Variants in ACOT7 observed in about 807,000 individuals in gnomAD.
ACOT7 encodes acyl-CoA thioesterase 7, also known as cytosolic acyl coenzyme A thioester hydrolase.
Under a neutral mutation model 40.2 loss-of-function variants are expected in ACOT7, and 12 were observed. That is an observed-to-expected ratio of 0.30 (90% confidence interval 0.19 to 0.48). The LOEUF is 0.48. Ranked by LOEUF, ACOT7 falls within the 20% of genes least tolerant of loss-of-function variation. ACOT7 has a pLI of 0.99. For missense variants in ACOT7, 395 were observed against 530.8 expected (o/e 0.74, Z 2.51); for synonymous variants, 228 against 219.5 (o/e 1.04, Z -0.34).
In ACOT7 at chr1:6,338,611, C is replaced by A. The variant is rs1641175432; in HGVS notation, c.418+822G>T. On this transcript the variant is annotated intron_variant, in intron 3 of 8. Transcript: ENST00000361521. This position sits in a 1 kb window ranked among gnomAD's most constrained non-coding sequence, Gnocchi z 4.4. ...TGTTCTAGATGCATAATCGTGCTTG[C>A]TACCGGCCCGTCATGAGGAAGAGGA... Among the ~76,000 whole-genome samples, 1 of 152,224 alleles carries A rather than the reference C, an allele frequency of 6.6e-6. No individual in the cohort carries two copies. The highest frequency in any genetic ancestry group is 1.5e-5 in the Non-Finnish European group (1 of 68,044).
At chr1:6,298,312 G>C (rs751136658) in intron 6 of ACOT7, among the ~76,000 whole-genome samples, 8 of 152,098 alleles carry the variant, frequency 5.3e-5, no homozygotes, top group Non-Finnish European at 1.2e-4. Flanking sequence ...TTTTTGTATT[G>C]TTAGTGGAGT....
intron 7 of ACOT7, 98 bp from the exon 8 acceptor site, chr1:6,281,384 G>A (rs1204482837): frequency 1.3e-5 from 14 of 1,083,862 alleles, no homozygotes; most frequent in Non-Finnish European, 1.8e-5. Flanking sequence ...CACTTGGTTA[G>A]GGGAAGCAGT....
chr1:6,364,260 G>A (rs112923346), intron 1 of ACOT7, among the ~76,000 whole-genome samples: 5 of 152,244 alleles, frequency 3.3e-5, no homozygotes, highest in African/African-American at 4.8e-5. Context: ...AGCAATTATC[G>A]GCGAGGTGTG....
Position 6,338,860 on chromosome 1 carries a change from G to A in ACOT7, c.418+573C>T, listed in dbSNP as rs1167731353. On this transcript the variant is annotated intron_variant, in intron 3 of 8. Coordinates refer to ENST00000361521, the MANE Select transcript of ACOT7 (RefSeq NM_007274.4). The surrounding 1 kb of genome is among the most constrained non-coding windows in gnomAD (Gnocchi z 4.4). Reference sequence around the variant, plus strand: ...AAAGAAGCGTGAGCTGGTGAACACTGGAGCCGCCCCCTCCTGCAGCGCCCA... The same window carrying A: ...AAAGAAGCGTGAGCTGGTGAACACTAGAGCCGCCCCCTCCTGCAGCGCCCA... Among the ~76,000 whole-genome samples, 2 of 152,164 alleles carry A rather than the reference G, an allele frequency of 1.3e-5. No individual in the cohort carries two copies. Among genetic ancestry groups the A allele is most frequent in the East Asian group, 1.9e-4 (1 of 5,174 alleles).
intron 8 of ACOT7, among the ~76,000 whole-genome samples, chr1:6,279,199 AG>A (rs1479993628): frequency 1.3e-5 from 2 of 152,248 alleles, no homozygotes; most frequent in Non-Finnish European, 2.9e-5. Context: ...TCAAGGACAG[AG>A]GAGGCTGGAG....
intron 1 of ACOT7, among the ~76,000 whole-genome samples, chr1:6,375,515 G>C (rs569817036): frequency 6.6e-6 from 1 of 152,080 alleles, no homozygotes; most frequent in Admixed American, 6.6e-5. Flanking sequence ...GCTGGGTGTG[G>C]TGGCACATGC....
intron 1 of ACOT7, among the ~76,000 whole-genome samples, chr1:6,371,937 C>T (rs1165749054): frequency 2.0e-5 from 3 of 151,442 alleles, no homozygotes; most frequent in South Asian, 2.1e-4. Flanking sequence ...CCCAGCTACT[C>T]GGGAGGCTGT....
At chr1:6,325,879 G>A (rs778866326) in intron 5 of ACOT7, among the ~76,000 whole-genome samples, 7 of 152,210 alleles carry the variant, frequency 4.6e-5, no homozygotes, top group East Asian at 1.9e-4. Flanking sequence ...GGGCCAGGGC[G>A]CCTCTCGGCA....
rs142026737 is a variant in ACOT7, at chr1:6,300,126, A to G, written c.713-5146T>C. 1.8e-4 allele frequency among the ~76,000 whole-genome samples: 27 copies of G among 152,236 alleles called. No homozygotes were observed. The East Asian group carries it at 5.0e-3, about 28-fold the overall frequency. On this transcript the variant is annotated intron_variant, in intron 6 of 8. Transcript: ENST00000361521. ...AGAAGTTTATCACCAAATGTGCACT[A>G]TATGTGGCCTTCCTCAGGGGGAGAT...
intron 3 of ACOT7, 109 bp downstream of exon 3, chr1:6,339,324 T>C (rs1186673812): frequency 4.7e-6 from 7 of 1,479,138 alleles, no homozygotes; most frequent in Non-Finnish European, 6.5e-6. Flanking sequence ...AGAGGTCTCA[T>C]TGGTGGAAAA....
intron 8 of ACOT7, 113 bp downstream of exon 8, chr1:6,280,989 C>T: frequency 7.1e-7 from 1 of 1,412,550 alleles, no homozygotes; most frequent in South Asian, 1.3e-5. Context: ...TACTCTGACC[C>T]CTACTGACAG....
At position 6,353,823 on chromosome 1, in the gene ACOT7, C is replaced by T. The variant is rs151098146; in HGVS notation, c.144-3957G>A. 2.6e-3 allele frequency among the ~76,000 whole-genome samples: 400 copies of T among 152,190 alleles called. 1 individual carries two copies. The highest frequency in any genetic ancestry group is 4.4e-3 in the Non-Finnish European group (301 of 68,006). On this transcript the variant is annotated intron_variant, in intron 1 of 8. Transcript: ENST00000361521. ...CCCAGCCCCCAACACGCTAATCCTGCACTTCTTCCCCCTCCTCTGACCCCA... is the reference window on the plus strand; with the variant it reads ...CCCAGCCCCCAACACGCTAATCCTGTACTTCTTCCCCCTCCTCTGACCCCA...
chr1:6,280,857 C>T (rs1019346080), intron 8 of ACOT7, among the ~76,000 whole-genome samples: 3 of 152,240 alleles, frequency 2.0e-5, no homozygotes, highest in Admixed American at 2.0e-4. Flanking sequence ...CCCCACCCCA[C>T]GGGCCCTGGG....
In ACOT7 at chr1:6,385,699, G is replaced by A. The variant is rs758026189; in HGVS notation, c.143+7558C>T. On this transcript the variant is annotated intron_variant, in intron 1 of 8. Coordinates refer to ENST00000361521, the MANE Select transcript of ACOT7 (RefSeq NM_007274.4). ...TAAGTGGGCAAACTGTTTACCCAGTGACAAGTATGATGCCCAGCAGAGCCC... is the reference window on the plus strand; with the variant it reads ...TAAGTGGGCAAACTGTTTACCCAGTAACAAGTATGATGCCCAGCAGAGCCC... The A allele has an allele frequency of 4.4e-6, 7 of 1,599,076 alleles. No homozygotes were observed. In the South Asian group the frequency reaches 4.5e-5, roughly 10 times the overall value.
At chr1:6,380,107 A>G (rs930205495) in intron 1 of ACOT7, among the ~76,000 whole-genome samples, 1 of 151,730 alleles carries the variant, frequency 6.6e-6, no homozygotes, top group African/African-American at 2.4e-5. Flanking sequence ...TGCAAATCAC[A>G]TCGGAAATAG....
chr1:6,286,132 T>C (rs1234229780), intron 7 of ACOT7, among the ~76,000 whole-genome samples: 1 of 152,060 alleles, frequency 6.6e-6, no homozygotes. Context: ...CGAGCGGAGG[T>C]GCTGCCTTGG....
chr1:6,281,057 G>GC, intron 8 of ACOT7, 45 bp downstream of exon 8: 1 of 1,591,632 alleles, frequency 6.3e-7, no homozygotes, highest in Non-Finnish European at 8.5e-7. Flanking sequence ...GGACCCTAGG[G>GC]CTGCCTGGCA....
intron 1 of ACOT7, among the ~76,000 whole-genome samples, chr1:6,384,149 C>G (rs1485286037): frequency 6.6e-6 from 1 of 151,802 alleles, no homozygotes; most frequent in Non-Finnish European, 1.5e-5. Context: ...AAAGAGCTCT[C>G]ATCACTCAAC....
At chr1:6,308,692 A>C (rs1640242533) in intron 6 of ACOT7, among the ~76,000 whole-genome samples, 1 of 151,944 alleles carries the variant, frequency 6.6e-6, no homozygotes, top group Non-Finnish European at 1.5e-5. Context: ...GACCAGGCAG[A>C]GGGAACAGCC....
Sources: gnomAD v4.1 joint callset for allele counts (sites outside exome capture counted in the v4.1 genomes callset) on GRCh38, gnomAD v4.1.1 for gene constraint, Gnocchi (gnomAD v3.1) non-coding constraint, MANE v1.5 for transcripts, NCBI Gene and HGNC (gene_info 2026-07-23, HGNC 2026-07-21) for gene names.